CLVS1: variants seen among roughly 807,000 people sequenced by gnomAD.
The protein encoded by CLVS1 is clavesin-1.
CLVS1 carries 10 observed loss-of-function variants against 33.1 expected under a neutral mutation model. The ratio of observed to expected loss-of-function variants is 0.30; its 90% CI spans 0.19 to 0.51. CLVS1 has a LOEUF of 0.51. CLVS1 is among the 20% of genes least tolerant of loss of function. The pLI, the probability that CLVS1 is intolerant of heterozygous loss-of-function variation, is 0.97. For missense variants in CLVS1, 343 were observed against 433.4 expected, an observed-to-expected ratio of 0.79 and a Z score of 1.85; for synonymous variants, 163 against 166.1, an observed-to-expected ratio of 0.98 and a Z score of 0.14.
intron 3 of CLVS1, among the ~76,000 whole-genome samples, chr8:61,429,187 C>T (rs1465302850): frequency 2.6e-5 from 4 of 151,796 alleles, no homozygotes; most frequent in East Asian, 3.9e-4. Context: ...TTTGGGAGGC[C>T]GAGGTAGGTG....
At chr8:61,484,547 C>A (rs576271180) in intron 5 of CLVS1, among the ~76,000 whole-genome samples, 7 of 152,244 alleles carry the variant, frequency 4.6e-5, no homozygotes, top group African/African-American at 1.7e-4. Flanking sequence ...CAACGCCATC[C>A]CCATCAAGCT....
At chr8:61,023,150 A>C in the CLVS1 span, among the ~76,000 whole-genome samples, 1 of 152,264 alleles carries the variant, frequency 6.6e-6, no homozygotes, top group Non-Finnish European at 1.5e-5. Flanking sequence ...TGAGGATACT[A>C]CTACAAGAAG....
chr8:61,493,226 T>C (rs1212965756), intron 5 of CLVS1, among the ~76,000 whole-genome samples: 1 of 152,230 alleles, frequency 6.6e-6, no homozygotes, highest in African/African-American at 2.4e-5. Flanking sequence ...CATTTATTAA[T>C]CACATTACAT....
At chr8:61,489,106 A>ATAC (rs1221636671) in intron 5 of CLVS1, among the ~76,000 whole-genome samples, 2 of 152,228 alleles carry the variant, frequency 1.3e-5, no homozygotes, top group African/African-American at 2.4e-5. Flanking sequence ...TCTATAACCT[A>ATAC]TACATTCTTA....
intron 2 of CLVS1, among the ~76,000 whole-genome samples, chr8:61,179,575 C>T (rs1451593010): frequency 1.3e-5 from 2 of 152,132 alleles, no homozygotes; most frequent in Non-Finnish European, 2.9e-5. Flanking sequence ...ATTCTAAAAT[C>T]AACCACATAA....
chr8:61,362,685 C>T, intron 2 of CLVS1, among the ~76,000 whole-genome samples: 1 of 152,198 alleles, frequency 6.6e-6, no homozygotes. Flanking sequence ...GGTGAATTTA[C>T]CTCCAGTTGA....
chr8:61,352,385 A>C (rs1286721002), intron 2 of CLVS1, among the ~76,000 whole-genome samples: 2 of 152,026 alleles, frequency 1.3e-5, no homozygotes. Context: ...AATGATCATC[A>C]GAGGGAATAA....
chr8:61,143,849 A>AAT (rs1806362266), intron 2 of CLVS1, among the ~76,000 whole-genome samples: 1 of 147,664 alleles, frequency 6.8e-6, no homozygotes, highest in Non-Finnish European at 1.5e-5. Flanking sequence ...ATATATACAT[A>AAT]ATATATATAC....
At chr8:61,017,785 G>A in the CLVS1 span, among the ~76,000 whole-genome samples, 1 of 152,166 alleles carries the variant, frequency 6.6e-6, no homozygotes, top group Non-Finnish European at 1.5e-5. Context: ...TCAGGGCTGG[G>A]GGGGCTCCTC....
At chr8:60,978,347 A>G in the CLVS1 span, among the ~76,000 whole-genome samples, 1 of 152,264 alleles carries the variant, frequency 6.6e-6, no homozygotes, top group African/African-American at 2.4e-5. Flanking sequence ...ATTATATGTT[A>G]ATGGGCATGC....
chr8:61,169,288 A>C (rs1382836320), intron 2 of CLVS1, among the ~76,000 whole-genome samples: 3 of 152,206 alleles, frequency 2.0e-5, no homozygotes, highest in Non-Finnish European at 4.4e-5. Context: ...CCTCAGAACC[A>C]AAGACTTTTT....
At chr8:61,156,584 A>C (rs960707965) in intron 2 of CLVS1, among the ~76,000 whole-genome samples, 1 of 152,120 alleles carries the variant, frequency 6.6e-6, no homozygotes, top group African/African-American at 2.4e-5. Flanking sequence ...TTTCTTTTTG[A>C]GTTTCTTTTC....
At chr8:61,494,874 C>T (rs1462254617) in intron 5 of CLVS1, among the ~76,000 whole-genome samples, 1 of 152,120 alleles carries the variant, frequency 6.6e-6, no homozygotes, top group South Asian at 2.1e-4. Flanking sequence ...GACCAGGTAA[C>T]TAGAATTATG....
intron 3 of CLVS1, among the ~76,000 whole-genome samples, chr8:61,411,033 A>ATGCAGTTT (rs1263864307): frequency 5.3e-5 from 8 of 152,170 alleles, no homozygotes; most frequent in Non-Finnish European, 1.2e-4. Flanking sequence ...AGATGGACAA[A>ATGCAGTTT]TGCAGTGCTT....
At chr8:61,298,971 C>T (rs1810325134) in intron 1 of CLVS1, among the ~76,000 whole-genome samples, 1 of 152,096 alleles carries the variant, frequency 6.6e-6, no homozygotes, top group African/African-American at 2.4e-5. Context: ...CTCTGCTTTC[C>T]TAGTAAAAGA....
chr8:60,990,965 G>A, the CLVS1 span, among the ~76,000 whole-genome samples: 99 of 152,198 alleles, frequency 6.5e-4, no homozygotes, highest in South Asian at 2.9e-3. Context: ...ACCTGCCTTG[G>A]CCTCCAAAGT....
Position 61,129,388 on chromosome 8 carries a change from G to A in CLVS1, c.-242-2382G>A, listed in dbSNP as rs181125408. Among the ~76,000 whole-genome samples the A allele has an allele frequency of 3.8e-4, 58 of 152,326 alleles. No homozygotes were observed. In the East Asian group the frequency reaches 6.4e-3, roughly 17 times the overall value. Reference sequence around the variant, plus strand: ...CCTGGTTCTCTGTGTAGTGCTACCAGAGGGATGGTCAGGCTTCCCCATGGG... The same window carrying A: ...CCTGGTTCTCTGTGTAGTGCTACCAAAGGGATGGTCAGGCTTCCCCATGGG... On this transcript the variant is annotated intron_variant, in intron 1 of 2. Transcript: ENST00000522621.
At chr8:61,440,543 C>A (rs1816500910) in intron 3 of CLVS1, among the ~76,000 whole-genome samples, 1 of 152,140 alleles carries the variant, frequency 6.6e-6, no homozygotes, top group African/African-American at 2.4e-5. Flanking sequence ...CCAAGAGACA[C>A]CATGATCTTA....
the CLVS1 span, among the ~76,000 whole-genome samples, chr8:61,009,662 A>G: frequency 0.33 from 49,405 of 152,014 alleles, 9,653 homozygotes; most frequent in African/African-American, 0.54. Context: ...CATGAACCCA[A>G]TGTCTCTTAC....
Sources: gnomAD v4.1 joint callset for allele counts (sites outside exome capture counted in the v4.1 genomes callset) on GRCh38, gnomAD v4.1.1 for gene constraint, MANE v1.5 for transcripts, NCBI Gene and HGNC (gene_info 2026-07-23, HGNC 2026-07-21) for gene names.